The following APOO variants were observed in gnomAD, a reference collection of about 807,000 sequenced individuals.
The protein encoded by APOO is apolipoprotein O.
A neutral mutation model predicts 23.1 loss-of-function variants in APOO; 11 were observed. The ratio of observed to expected loss-of-function variants is 0.48; its 90% CI spans 0.30 to 0.79. The LOEUF (loss-of-function observed/expected upper bound fraction) is 0.79, where lower values mean the gene tolerates loss of function less well. APOO is among the 30% of genes least tolerant of loss of function. The pLI is 0.07. For synonymous variants in APOO, 59 were observed against 54.8 expected, an observed-to-expected ratio of 1.08 and a Z score of -0.34; for missense variants, 160 against 142.7, an observed-to-expected ratio of 1.12 and a Z score of -0.62.
intron 5 of APOO, among the ~76,000 whole-genome samples, chrX:23,867,829 A>C (rs568122656): frequency 8.9e-6 from 1 of 112,198 alleles, no homozygotes; most frequent in Non-Finnish European, 1.9e-5. Context: ...GGCGTGAGCC[A>C]CTGCGCCTGG....
intron 5 of APOO, among the ~76,000 whole-genome samples, chrX:23,862,887 G>T (rs1463618919): frequency 1.7e-5 from 1 of 58,190 alleles, no homozygotes; most frequent in African/African-American, 6.4e-5. Flanking sequence ...GGGATGGAAG[G>T]GGAGGGAGGA....
At chrX:23,891,276 G>C (rs1282412554) in intron 1 of APOO, among the ~76,000 whole-genome samples, 2 of 110,408 alleles carry the variant, frequency 1.8e-5, no homozygotes, top group African/African-American at 6.6e-5. Flanking sequence ...ACCCAGACTG[G>C]AGTCCAGTGG....
At chrX:23,849,583 TAAAAAAAAAAAAAAAAAAAA>T (rs143362355) in intron 7 of APOO, among the ~76,000 whole-genome samples, 1 of 32,604 alleles carries the variant, frequency 3.1e-5, no homozygotes, top group African/African-American at 1.4e-4. Flanking sequence ...AAGAGAGACT[TAAAAAAAAAAAAAAAAAAAA>T]AAAAAAGTTC....
At chrX:23,861,122 A>C (rs1051260195) in intron 5 of APOO, among the ~76,000 whole-genome samples, 1 of 110,712 alleles carries the variant, frequency 9.0e-6, no homozygotes, top group Non-Finnish European at 1.9e-5. Context: ...CCTGGGTGAT[A>C]ATTTGGATGT....
At chrX:23,863,921 T>TTGA (rs1002039159) in intron 5 of APOO, among the ~76,000 whole-genome samples, 2 of 110,878 alleles carry the variant, frequency 1.8e-5, no homozygotes, top group Non-Finnish European at 3.8e-5. Context: ...ACACATGGCC[T>TTGA]TGACTCCACT....
chrX:23,865,462 G>A (rs1925292030), intron 5 of APOO, among the ~76,000 whole-genome samples: 1 of 109,832 alleles, frequency 9.1e-6, no homozygotes, highest in Admixed American at 9.8e-5. Context: ...AAATGAGCTG[G>A]GCATGGTGGT....
At chrX:23,849,766 C>T (rs761449479) in intron 7 of APOO, among the ~76,000 whole-genome samples, 1 of 107,606 alleles carries the variant, frequency 9.3e-6, no homozygotes, top group Non-Finnish European at 1.9e-5. Context: ...GTGGCGTGCG[C>T]CTGCAGTCCC....
intron 1 of APOO, among the ~76,000 whole-genome samples, chrX:23,885,646 A>ATTTT (rs1926337834): frequency 9.2e-6 from 1 of 109,266 alleles, no homozygotes; most frequent in African/African-American, 3.3e-5. Context: ...TTCCCCTCTT[A>ATTTT]TCTTACTTGT....
At chrX:23,903,347 G>A (rs750424119) in intron 1 of APOO, among the ~76,000 whole-genome samples, 3 of 108,405 alleles carry the variant, frequency 2.8e-5, no homozygotes, top group African/African-American at 3.4e-5. Flanking sequence ...TCAAGCCTGC[G>A]TGATAGAGCG....
rs1258033112 is a variant in APOO, at chrX:23,847,243, T to A, written c.562-6866A>T. Among the ~76,000 whole-genome samples, 4 of 112,144 alleles carry A rather than the reference T, an allele frequency of 3.6e-5. No homozygotes were observed. In the Admixed American group the frequency reaches 3.8e-4, roughly 11 times the overall value. ...CAAAATGGGACAGTTTGAACTTTAA[T>A]AAGACCAAGAATTACAAAGCATTCA... On this transcript the variant is annotated intron_variant, in intron 7 of 8. Coordinates refer to ENST00000379226, the MANE Select transcript of APOO (RefSeq NM_024122.5).
At chrX:23,880,321 T>C (rs1385137570) in intron 2 of APOO, among the ~76,000 whole-genome samples, 1 of 111,840 alleles carries the variant, frequency 8.9e-6, no homozygotes, top group Non-Finnish European at 1.9e-5. Context: ...TACCTAAGTA[T>C]CATTAAAGTT....
At chrX:23,887,252 T>G (rs1433484559) in intron 1 of APOO, among the ~76,000 whole-genome samples, 2 of 91,980 alleles carry the variant, frequency 2.2e-5, no homozygotes, top group Non-Finnish European at 4.3e-5. Flanking sequence ...TTTTTTTTTT[T>G]GCGACAGAGT....
At chrX:23,891,522 T>C (rs1003601691) in intron 1 of APOO, among the ~76,000 whole-genome samples, 8 of 111,770 alleles carry the variant, frequency 7.2e-5, no homozygotes, top group Non-Finnish European at 1.9e-5. Context: ...CCACCACACC[T>C]GGCCAAAATC....
chrX:23,873,689 T>C (rs1345084567), intron 4 of APOO, among the ~76,000 whole-genome samples: 2 of 111,352 alleles, frequency 1.8e-5, no homozygotes, highest in Admixed American at 9.6e-5. Flanking sequence ...GTCTCAGAAA[T>C]ATCAGGACAT....
At chrX:23,876,487 A>G (rs1925862543) in intron 3 of APOO, among the ~76,000 whole-genome samples, 1 of 107,536 alleles carries the variant, frequency 9.3e-6, no homozygotes, top group Admixed American at 1.0e-4. Context: ...TTCTTTTGCT[A>G]GCTTAATATT....
At chrX:23,890,856 C>T (rs889584474) in intron 1 of APOO, among the ~76,000 whole-genome samples, 8 of 111,574 alleles carry the variant, frequency 7.2e-5, no homozygotes, top group African/African-American at 2.3e-4. Flanking sequence ...GAGGAGCATC[C>T]GCATTTAAGC....
intron 4 of APOO, among the ~76,000 whole-genome samples, chrX:23,873,258 T>G (rs185327158): frequency 6.8e-4 from 76 of 111,029 alleles, no homozygotes; most frequent in Middle Eastern, 4.7e-3. Flanking sequence ...CTTAAATAAG[T>G]GTTTATGAAA....
At chrX:23,901,561 A>C (rs1927133503) in intron 1 of APOO, among the ~76,000 whole-genome samples, 1 of 111,799 alleles carries the variant, frequency 8.9e-6, no homozygotes, top group Admixed American at 9.6e-5. Flanking sequence ...CAGAAACCTT[A>C]ATTTATCCTT....
intron 1 of APOO, among the ~76,000 whole-genome samples, chrX:23,893,268 A>G (rs1926752355): frequency 9.3e-6 from 1 of 107,284 alleles, no homozygotes; most frequent in African/African-American, 3.4e-5. Flanking sequence ...ATACAAAAAA[A>G]AAAAAAACAA....
Sources: gnomAD v4.1 joint callset for allele counts (sites outside exome capture counted in the v4.1 genomes callset) on GRCh38, gnomAD v4.1.1 for gene constraint, MANE v1.5 for transcripts, NCBI Gene and HGNC (gene_info 2026-07-23, HGNC 2026-07-21) for gene names.